The following SPTBN4 variants were observed in gnomAD, a reference collection of about 807,000 sequenced individuals.
The protein encoded by SPTBN4 is spectrin beta, non-erythrocytic 4.
In SPTBN4, 96 loss-of-function variants were observed where a neutral mutation model predicts 277.8. The ratio of observed to expected loss-of-function variants is 0.35; its 90% CI spans 0.29 to 0.41. The LOEUF (loss-of-function observed/expected upper bound fraction) is 0.41, where lower values mean the gene tolerates loss of function less well. Among genes scored for constraint, SPTBN4 ranks in the 10% least tolerant of loss-of-function variants. The probability of loss-of-function intolerance (pLI) is 1.00; values close to 1 mark genes in which losing one functional copy is unlikely to be tolerated. For missense variants in SPTBN4, 3,006 were observed against 3,595.7 expected, an observed-to-expected ratio of 0.84 and a Z score of 4.19; for synonymous variants, 1,481 against 1,580.3, an observed-to-expected ratio of 0.94 and a Z score of 1.49.
intron 14 of SPTBN4, among the ~76,000 whole-genome samples, chr19:40,514,158 G>C (rs814534): frequency 0.69 from 105,524 of 152,128 alleles, 38,010 homozygotes; most frequent in African/African-American, 0.86. Flanking sequence ...GCACCACTCT[G>C]TCTGAGCATC....
Position 40,512,691 on chromosome 19 carries a change from G to T in SPTBN4, c.1902G>T (p.Ala634=). The change falls in exon 14 of 36, where the codon GCG becomes GCT. Residue 634 remains alanine, a synonymous_variant. Transcript: ENST00000598249. ...TGGCGGAGCTGCAGGAGCAGGCAGC[G>T]CGGCGACGCGCGGAGCTGGAGGCTT... ...GCLAELQEQA[A]RRRAELEASR... is the part of the protein sequence containing the mutation. 1.3e-6 allele frequency: 2 copies of T among 1,528,274 alleles called. No homozygotes were observed. Among genetic ancestry groups the T allele is most frequent in the Non-Finnish European group, 1.7e-6 (2 of 1,144,328 alleles). 94.7% of individuals were successfully genotyped at this position (1,528,274 alleles called of 1,614,324 possible). A position where few individuals can be genotyped will look rare whatever the true frequency, so the allele number is the denominator to read the frequency against.
At chr19:40,535,312 C>G (rs550135944) in intron 20 of SPTBN4, among the ~76,000 whole-genome samples, 1 of 152,198 alleles carries the variant, frequency 6.6e-6, no homozygotes, top group African/African-American at 2.4e-5. Context: ...CCCGCCTCAG[C>G]CTTCCAAAGT....
chr19:40,477,109 A>G (rs2079957795), intron 2 of SPTBN4, among the ~76,000 whole-genome samples: 1 of 151,412 alleles, frequency 6.6e-6, no homozygotes, highest in Admixed American at 6.6e-5. Context: ...TAAAAATCAT[A>G]GCTCACTACA....
chr19:40,482,072 G>A (rs951570067), intron 2 of SPTBN4, among the ~76,000 whole-genome samples: 3 of 151,888 alleles, frequency 2.0e-5, no homozygotes, highest in African/African-American at 7.3e-5. Flanking sequence ...GAGCAGCTGG[G>A]AATACAGGTG....
intron 5 of SPTBN4, 79 bp downstream of exon 5, chr19:40,493,133 T>A (rs1477989881): frequency 7.2e-7 from 1 of 1,379,504 alleles, no homozygotes; most frequent in Non-Finnish European, 1.0e-6. Context: ...AGACAAGAGC[T>A]CAAGGGGCAG....
intron 22 of SPTBN4, among the ~76,000 whole-genome samples, chr19:40,552,964 A>G (rs2080935194): frequency 6.6e-6 from 1 of 152,110 alleles, no homozygotes; most frequent in Non-Finnish European, 1.5e-5. Flanking sequence ...ATAGTTTATC[A>G]CCTTATAACA....
chr19:40,510,429 C>T (rs779904905), intron 13 of SPTBN4, among the ~76,000 whole-genome samples: 10 of 152,062 alleles, frequency 6.6e-5, no homozygotes, highest in South Asian at 2.1e-4. Context: ...TTCAGCCTCC[C>T]GAGTAGCTGA....
At position 40,523,444 on chromosome 19, in the gene SPTBN4, C is replaced by T. The variant is rs1240243272; in HGVS notation, c.3662C>T (p.Ala1221Val). Residue 1221 changes from alanine (A) to valine (V), a missense_variant, in exon 17 of 36, where the codon GCG (alanine) becomes GTG (valine). Coordinates refer to ENST00000598249, the MANE Select transcript of SPTBN4 (RefSeq NM_020971.3). Reference sequence around the variant, plus strand: ...ACGCTCCCTCCTCCCCAGGAGATGGCGCTGTCTGGTGCGGAGCTCCCGGGC... The same window carrying T: ...ACGCTCCCTCCTCCCCAGGAGATGGTGCTGTCTGGTGCGGAGCTCCCGGGC... ...ALVVLRNQEM[A>V]LSGAELPGTV... The T allele has an allele frequency of 1.7e-5, 28 of 1,603,360 alleles. No homozygotes were observed. Among genetic ancestry groups the T allele is most frequent in the Non-Finnish European group, 2.4e-5 (28 of 1,174,480 alleles).
At chr19:40,517,470 A>AT (rs2080473947) in intron 15 of SPTBN4, among the ~76,000 whole-genome samples, 1 of 151,634 alleles carries the variant, frequency 6.6e-6, no homozygotes, top group Admixed American at 6.6e-5. Context: ...TAATTTTTGT[A>AT]TTTTTTGTAC....
At position 40,570,684 on chromosome 19, in the gene SPTBN4, A is replaced by G; in HGVS notation, c.7275A>G (p.Leu2425=). The G allele has an allele frequency of 6.2e-7, 1 of 1,606,760 alleles. No homozygotes were observed. Among genetic ancestry groups the G allele is most frequent in the Non-Finnish European group, 8.5e-7 (1 of 1,177,406 alleles). The part of the protein sequence containing the change: ...PTHTVQHEGF[L]LRKRELDANR... Reference sequence around the variant, plus strand: ...ACACAGTGCAGCACGAGGGCTTCCTACTGCGCAAGCGCGAGCTCGACGCTA... The same window carrying G: ...ACACAGTGCAGCACGAGGGCTTCCTGCTGCGCAAGCGCGAGCTCGACGCTA... Residue 2425 remains leucine, a synonymous_variant, in exon 33 of 36, where the codon CTA becomes CTG. Coordinates refer to ENST00000598249, the MANE Select transcript of SPTBN4 (RefSeq NM_020971.3).
rs2080216372 is a variant in SPTBN4 at position 40,497,729 on chromosome 19, CTCTT to C, written c.784+128_784+131del. On this transcript the variant is annotated intron_variant, in intron 7 of 35. Coordinates refer to ENST00000598249, the MANE Select transcript of SPTBN4 (RefSeq NM_020971.3). ...ATCCTGAGGCCTCTCCAAATCCCAACTCTTTCCAAATCCCAACTGTCTCCTCAGC... is the reference window on the plus strand; with the variant it reads ...ATCCTGAGGCCTCTCCAAATCCCAACTCCAAATCCCAACTGTCTCCTCAGC... 1.2e-5 allele frequency: 9 copies of C among 752,780 alleles called. No individual in the cohort carries two copies. In the South Asian group the frequency reaches 1.5e-4, roughly 12 times the overall value. 46.6% of individuals were successfully genotyped at this position (752,780 alleles called of 1,614,324 possible).
At chr19:40,496,300 C>T (rs1267135390) in intron 6 of SPTBN4, among the ~76,000 whole-genome samples, 2 of 152,160 alleles carry the variant, frequency 1.3e-5, no homozygotes, top group Admixed American at 6.5e-5. Context: ...CAGGCGCCCG[C>T]CACCACACCT....
At chr19:40,499,267 T>A (rs1250215153) in intron 7 of SPTBN4, among the ~76,000 whole-genome samples, 1 of 151,538 alleles carries the variant, frequency 6.6e-6, no homozygotes, top group African/African-American at 2.4e-5. Flanking sequence ...CTCAAACTCC[T>A]GACTTCAAGT....
At chr19:40,533,643 C>T (rs1317019129) in intron 19 of SPTBN4, among the ~76,000 whole-genome samples, 1 of 152,154 alleles carries the variant, frequency 6.6e-6, no homozygotes, top group Non-Finnish European at 1.5e-5. Context: ...TCATTCTCTC[C>T]CTGCCTCTCT....
chr19:40,495,602 T>C (rs951929340), intron 6 of SPTBN4, among the ~76,000 whole-genome samples: 2 of 151,826 alleles, frequency 1.3e-5, no homozygotes, highest in Non-Finnish European at 2.9e-5. Context: ...GAGCCGAGAT[T>C]GTGCCACTGC....
chr19:40,517,214 C>T (rs187819695), intron 15 of SPTBN4, among the ~76,000 whole-genome samples: 4 of 151,978 alleles, frequency 2.6e-5, no homozygotes, highest in Non-Finnish European at 5.9e-5. Context: ...GATGGAGGCC[C>T]AAGGTTACAC....
chr19:40,480,033 C>T (rs2079992772), intron 2 of SPTBN4, among the ~76,000 whole-genome samples: 1 of 151,738 alleles, frequency 6.6e-6, no homozygotes, highest in African/African-American at 2.4e-5. Context: ...GGATGGATCA[C>T]GAGGTCAGGA....
rs1568382022 is a variant in SPTBN4 at position 40,569,961 on chromosome 19, C to CACACACACACACACACAG, written c.7026+248_7026+249insCACAGACACACACACACA. Among the ~76,000 whole-genome samples the CACACACACACACACACAG allele has an allele frequency of 1.1e-4, 16 of 145,870 alleles. 1 individual carries two copies. The highest frequency in any genetic ancestry group is 2.6e-4 in the African/African-American group (10 of 37,978). Reference sequence around the variant, plus strand: ...CCACACACACACACACACACACACACACACACACACACAGACACACACACA... The same window carrying CACACACACACACACACAG: ...CCACACACACACACACACACACACACACACACACACACACACAGACACACACACACAGACACACACACA... On this transcript the variant is annotated intron_variant, in intron 32 of 35. Coordinates refer to ENST00000598249, the MANE Select transcript of SPTBN4 (RefSeq NM_020971.3).
At chr19:40,562,529 CAAA>C (rs35366889) in intron 27 of SPTBN4, among the ~76,000 whole-genome samples, 10 of 55,712 alleles carry the variant, frequency 1.8e-4, no homozygotes, top group Middle Eastern at 0.019. Flanking sequence ...GACTCTGTGT[CAAA>C]AAAAAAAAAA....
Sources: gnomAD v4.1 joint callset for allele counts (sites outside exome capture counted in the v4.1 genomes callset) on GRCh38, gnomAD v4.1.1 for gene constraint, MANE v1.5 for transcripts, NCBI Gene and HGNC (gene_info 2026-07-23, HGNC 2026-07-21) for gene names.